The following ENKUR variants were observed in gnomAD, a reference collection of about 807,000 sequenced individuals.
ENKUR encodes the protein enkurin.
A neutral mutation model predicts 27.6 loss-of-function variants in ENKUR; 19 were observed. The ratio of observed to expected loss-of-function variants is 0.69; its 90% CI spans 0.48 to 1.01. ENKUR has a LOEUF of 1.01. Ranked by LOEUF, ENKUR falls within the 50% of genes least tolerant of loss-of-function variation. ENKUR has a pLI of 0.00. For missense variants in ENKUR, 312 were observed against 310.5 expected (o/e 1.00, Z -0.04); for synonymous variants, 117 against 96.9 (o/e 1.21, Z -1.22).
At chr10:25,056,151 C>T (rs1464691015) in intron 2 of ENKUR, among the ~76,000 whole-genome samples, 1 of 152,200 alleles carries the variant, frequency 6.6e-6, no homozygotes, top group Non-Finnish European at 1.5e-5. Context: ...CCTGAGTTCA[C>T]CCTGTTAGTG....
chr10:25,052,626 G>C (rs983453499), intron 2 of ENKUR, among the ~76,000 whole-genome samples: 1 of 152,008 alleles, frequency 6.6e-6, no homozygotes, highest in African/African-American at 2.4e-5. Context: ...AAAAAATTTA[G>C]CTGGGTGTGG....
chr10:25,047,547 C>A (rs1479191779), intron 2 of ENKUR, among the ~76,000 whole-genome samples: 1 of 152,158 alleles, frequency 6.6e-6, no homozygotes, highest in Admixed American at 6.5e-5. Flanking sequence ...TCCCAAGTGC[C>A]CCATTTCTTC....
chr10:25,059,132 C>CTTT (rs759162602), intron 2 of ENKUR, among the ~76,000 whole-genome samples: 6 of 120,500 alleles, frequency 5.0e-5, no homozygotes, highest in Admixed American at 1.7e-4. Flanking sequence ...CTTTTTCTTT[C>CTTT]TTTTTTTTTT....
intron 2 of ENKUR, among the ~76,000 whole-genome samples, chr10:25,040,600 G>A (rs1851052822): frequency 6.6e-6 from 1 of 152,004 alleles, no homozygotes; most frequent in Non-Finnish European, 1.5e-5. Context: ...TCGATCTCCT[G>A]ACCGCGTGAT....
chr10:25,010,658 T>G (rs911638994), intron 1 of ENKUR, among the ~76,000 whole-genome samples: 6 of 146,880 alleles, frequency 4.1e-5, no homozygotes, highest in Non-Finnish European at 7.5e-5. Context: ...TGTGTTCTCA[T>G]TGTTCAATTC....
chr10:25,033,401 CAAAAAAAAAAAA>C (rs34472195), intron 2 of ENKUR, among the ~76,000 whole-genome samples: 2 of 59,996 alleles, frequency 3.3e-5, no homozygotes, highest in South Asian at 1.6e-3. Flanking sequence ...AAGACCTCGT[CAAAAAAAAAAAA>C]AAAAAAAAAA....
At position 25,015,986 on chromosome 10, in the gene ENKUR, T is replaced by C. The variant is rs1000039019; in HGVS notation, c.-50A>G. The C allele has an allele frequency of 1.3e-6, 2 of 1,578,936 alleles. No homozygotes were observed. The highest frequency in any genetic ancestry group is 1.7e-6 in the Non-Finnish European group (2 of 1,163,754). ...CTACTCTCCACAACTTTTTTCTCCC[T>C]GTCCCAGTATCTCCGTCCCTTTCTT... is the stretch of plus-strand genomic sequence containing the variant. On this transcript the variant is annotated 5_prime_UTR_variant, in exon 1 of 6. Transcript: ENST00000331161.
At chr10:25,047,761 T>C (rs557502788) in intron 2 of ENKUR, among the ~76,000 whole-genome samples, 3 of 152,354 alleles carry the variant, frequency 2.0e-5, no homozygotes, top group Admixed American at 2.0e-4. Flanking sequence ...CATTATAGGC[T>C]TTTTATAGTC....
intron 2 of ENKUR, among the ~76,000 whole-genome samples, chr10:25,054,894 C>G (rs147975263): frequency 6.6e-6 from 1 of 151,970 alleles, no homozygotes; most frequent in African/African-American, 2.4e-5. Context: ...AAACAGATCT[C>G]GAACTCCTGA....
chr10:25,040,417 T>C (rs991430231), intron 2 of ENKUR, among the ~76,000 whole-genome samples: 7 of 149,216 alleles, frequency 4.7e-5, no homozygotes, highest in African/African-American at 1.7e-4. Flanking sequence ...TCTCCCAGGC[T>C]GGAGTGCCAG....
At chr10:25,031,750 C>G (rs200264549) in intron 2 of ENKUR, among the ~76,000 whole-genome samples, 8 of 128,212 alleles carry the variant, frequency 6.2e-5, no homozygotes, top group Admixed American at 5.4e-4. Flanking sequence ...TTTTTTTTTT[C>G]TTTTAAATTT....
intron 2 of ENKUR, chr10:25,024,683 A>G (rs761090845): frequency 6.2e-7 from 1 of 1,614,226 alleles, no homozygotes; most frequent in Non-Finnish European, 8.5e-7. Flanking sequence ...GCTTCCGCAT[A>G]TCTTGATCTT....
At position 24,985,765 on chromosome 10, in the gene ENKUR, T is replaced by A. The variant is rs191291579; in HGVS notation, c.595-860A>T. Among the ~76,000 whole-genome samples the A allele has an allele frequency of 9.8e-5, 15 of 152,346 alleles. No individual in the cohort carries two copies. The East Asian group carries it at 2.7e-3, about 27-fold the overall frequency. On this transcript the variant is annotated intron_variant, in intron 4 of 5. Transcript: ENST00000331161. ...TTATAAGTCAACACTTTTTAATTAT[T>A]CATTATGGGCACATAGATTATTTTA...
At chr10:25,045,293 G>A (rs1333766400) in intron 2 of ENKUR, among the ~76,000 whole-genome samples, 2 of 152,150 alleles carry the variant, frequency 1.3e-5, no homozygotes. Context: ...TTCTTCCAGT[G>A]TATTCTTATT....
At position 25,053,148 on chromosome 10, in the gene ENKUR, C is replaced by T. The variant is rs556430607; in HGVS notation, c.37+7964G>A. Among the ~76,000 whole-genome samples, 12 of 150,604 alleles carry T rather than the reference C, an allele frequency of 8.0e-5. No individual in the cohort carries two copies. In the South Asian group the frequency reaches 1.5e-3, roughly 18 times the overall value. On this transcript the variant is annotated intron_variant, in intron 2 of 5. Coordinates refer to the ENKUR transcript ENST00000615958. ...TAATTTTCAGTTAGGCACCTTTTTTCATTTTTTAAATTTTATTGTAAACCG... is the reference window on the plus strand; with the variant it reads ...TAATTTTCAGTTAGGCACCTTTTTTTATTTTTTAAATTTTATTGTAAACCG...
chr10:24,984,029 G>A lies in ENKUR; in HGVS notation c.*341C>T, dbSNP rs1849725200. 1 of 243,944 alleles carries A rather than the reference G, an allele frequency of 4.1e-6. No individual in the cohort carries two copies. The highest frequency in any genetic ancestry group is 1.7e-4 in the South Asian group (1 of 5,932). 15.1% of individuals were successfully genotyped at this position (243,944 alleles called of 1,614,324 possible). A position where few individuals can be genotyped will look rare whatever the true frequency, so the allele number is the denominator to read the frequency against. On this transcript the variant is annotated 3_prime_UTR_variant, in exon 6 of 6. Coordinates refer to ENST00000331161, the MANE Select transcript of ENKUR (RefSeq NM_145010.4). The stretch of plus-strand genomic sequence containing the variant: ...AAATAAGATATGCATAGTGAGTTGT[G>A]GAATAAAATAAGAGTATCGAGGTTG...
rs557613627 is a variant in ENKUR, at chr10:25,008,279, C to G, written c.77+7581G>C. Among the ~76,000 whole-genome samples the G allele has an allele frequency of 2.0e-4, 30 of 152,188 alleles. 1 individual carries two copies. The South Asian group carries it at 5.8e-3, about 29-fold the overall frequency. On this transcript the variant is annotated intron_variant, in intron 1 of 5. Coordinates refer to ENST00000331161, the MANE Select transcript of ENKUR (RefSeq NM_145010.4). Reference sequence around the variant, plus strand: ...GAGACTTTGGAATAGTCTAGACTTTCTTTGAATATAAGTTAATTAAAAAGG... The same window carrying G: ...GAGACTTTGGAATAGTCTAGACTTTGTTTGAATATAAGTTAATTAAAAAGG...
Position 25,025,523 on chromosome 10 carries a change from G to C in ENKUR, c.38-29654C>G, listed in dbSNP as rs977944748. The stretch of plus-strand genomic sequence containing the variant: ...ATAATAAATCTCAAACACTGATTTG[G>C]AGTACAGTAGCATTTTGTCTTTTAT... On this transcript the variant is annotated intron_variant, in intron 2 of 5. Coordinates refer to the ENKUR transcript ENST00000615958. 4.9e-6 allele frequency: 7 copies of C among 1,417,566 alleles called. 1 individual carries two copies. The highest frequency in any genetic ancestry group is 4.5e-5 in the Admixed American group (2 of 44,764). 87.8% of individuals were successfully genotyped at this position (1,417,566 alleles called of 1,614,324 possible).
intron 1 of ENKUR, among the ~76,000 whole-genome samples, chr10:25,013,445 A>G (rs182274571): frequency 6.6e-6 from 1 of 152,386 alleles, no homozygotes; most frequent in Admixed American, 6.5e-5. Context: ...AAATCCATAC[A>G]GGGTATTTTA....
Sources: allele counts gnomAD v4.1 joint callset (sites outside exome capture counted in the v4.1 genomes callset), GRCh38; gene constraint gnomAD v4.1.1; transcripts MANE v1.5; gene names NCBI Gene and HGNC (gene_info 2026-07-23, HGNC 2026-07-21).